HIVEP2: variants seen among roughly 807,000 people sequenced by gnomAD.
The protein encoded by HIVEP2 is transcription factor HIVEP2.
In HIVEP2, 14 loss-of-function variants were observed where a neutral mutation model predicts 180.7. The ratio of observed to expected loss-of-function variants is 0.08; its 90% CI spans 0.05 to 0.12. HIVEP2 has a LOEUF of 0.12. Ranked by LOEUF, HIVEP2 falls within the 10% of genes least tolerant of loss-of-function variation. HIVEP2 has a pLI of 1.00. For missense variants in HIVEP2, 2,579 were observed against 3,008.5 expected, an observed-to-expected ratio of 0.86 and a Z score of 3.34; for synonymous variants, 1,184 against 1,136.4, an observed-to-expected ratio of 1.04 and a Z score of -0.84.
chr6:142,848,941 G>A (rs1212473958), intron 1 of HIVEP2, among the ~76,000 whole-genome samples: 5 of 152,108 alleles, frequency 3.3e-5, no homozygotes, highest in Admixed American at 3.3e-4. Flanking sequence ...TAATCACTAA[G>A]CCTGATTGTT....
intron 2 of HIVEP2, among the ~76,000 whole-genome samples, chr6:142,830,885 A>G (rs896062364): frequency 1.3e-5 from 2 of 152,034 alleles, no homozygotes; most frequent in Non-Finnish European, 2.9e-5. Flanking sequence ...CCTAGACCCA[A>G]TCAGGCAGCC....
intron 1 of HIVEP2, among the ~76,000 whole-genome samples, chr6:142,844,617 A>G (rs1284306604): frequency 6.6e-6 from 1 of 152,192 alleles, no homozygotes. Context: ...TTAGTAAGGA[A>G]GTCAGAATTT....
chr6:142,851,089 C>A (rs187816635), intron 1 of HIVEP2, among the ~76,000 whole-genome samples: 230 of 152,210 alleles, frequency 1.5e-3, no homozygotes, highest in African/African-American at 5.4e-3. Context: ...ATAATAGAAG[C>A]ACTTTCATAT....
chr6:142,768,636 C>A (rs902360570), intron 5 of HIVEP2, 100 bp from the exon 6 acceptor site: 8 of 1,236,444 alleles, frequency 6.5e-6, no homozygotes, highest in Admixed American at 2.3e-5. Context: ...AGCCTAAATT[C>A]TGTACTAAAA....
At chr6:142,802,427 C>A (rs1355566913) in intron 2 of HIVEP2, among the ~76,000 whole-genome samples, 4 of 152,036 alleles carry the variant, frequency 2.6e-5, no homozygotes, top group South Asian at 2.1e-4. Flanking sequence ...AAACAGCCAG[C>A]CAGTCTCTGC....
chr6:142,848,056 C>T lies in HIVEP2; in HGVS notation c.-640-11009G>A, dbSNP rs528993631. On this transcript the variant is annotated intron_variant, in intron 1 of 9. Transcript: ENST00000367603. ...GACTTCTTATATTTAACATTAACAA[C>T]GGATTATCCCATGGTAACCAGATAC... Among the ~76,000 whole-genome samples the T allele has an allele frequency of 1.8e-3, 281 of 152,286 alleles. 1 individual carries two copies. Among genetic ancestry groups the T allele is most frequent in the Admixed American group, 1.8e-3 (28 of 15,294 alleles).
At chr6:142,837,806 T>G (rs765775758) in intron 1 of HIVEP2, among the ~76,000 whole-genome samples, 4 of 152,158 alleles carry the variant, frequency 2.6e-5, no homozygotes, top group Non-Finnish European at 5.9e-5. Context: ...AAATGAATGC[T>G]AGAGGGTTGA....
At chr6:142,831,717 G>A (rs62430702) in intron 2 of HIVEP2, among the ~76,000 whole-genome samples, 5,329 of 152,240 alleles carry the variant, frequency 0.035, 180 homozygotes, top group Non-Finnish European at 0.046. Context: ...GCTGTGTGGG[G>A]AAGGGGTTTG....
intron 1 of HIVEP2, among the ~76,000 whole-genome samples, chr6:142,862,995 T>A (rs1010132371): frequency 2.8e-5 from 4 of 141,692 alleles, no homozygotes; most frequent in Non-Finnish European, 4.5e-5. Context: ...ATATGATATA[T>A]AATTACATAT....
At position 142,801,048 on chromosome 6, in the gene HIVEP2, G is replaced by A. The variant is rs551051890; in HGVS notation, c.-527-17433C>T. Among the ~76,000 whole-genome samples the A allele has an allele frequency of 4.5e-4, 69 of 152,040 alleles. No homozygotes were observed. In the South Asian group the frequency reaches 0.014, roughly 31 times the overall value. ...TAGTGTGGGGAACATAATGGACTGA[G>A]CCTGCACAAGGAAAAGAGGCCAGGG... On this transcript the variant is annotated intron_variant, in intron 2 of 9. Coordinates refer to ENST00000367603, the MANE Select transcript of HIVEP2 (RefSeq NM_006734.4).
At chr6:142,835,273 A>T (rs914466248) in intron 2 of HIVEP2, among the ~76,000 whole-genome samples, 1 of 152,194 alleles carries the variant, frequency 6.6e-6, no homozygotes, top group Non-Finnish European at 1.5e-5. Context: ...AGGAGTCCAG[A>T]ACTCACAGTG....
intron 2 of HIVEP2, among the ~76,000 whole-genome samples, chr6:142,816,409 C>T (rs1776836322): frequency 6.6e-6 from 1 of 152,140 alleles, no homozygotes. Flanking sequence ...TTGTCTACTT[C>T]TCATGGTCAC....
intron 1 of HIVEP2, among the ~76,000 whole-genome samples, chr6:142,859,148 A>G (rs1214090296): frequency 1.3e-5 from 2 of 152,088 alleles, no homozygotes; most frequent in Non-Finnish European, 2.9e-5. Context: ...TTTTTAACCA[A>G]TACTATAACT....
chr6:142,757,476 T>C (rs1485498859), intron 9 of HIVEP2, among the ~76,000 whole-genome samples: 3 of 152,080 alleles, frequency 2.0e-5, no homozygotes, highest in Non-Finnish European at 2.9e-5. Flanking sequence ...CTGGCCAACA[T>C]GGTGAAACCA....
At chr6:142,906,487 G>A (rs1777267466) in intron 1 of HIVEP2, among the ~76,000 whole-genome samples, 1 of 151,644 alleles carries the variant, frequency 6.6e-6, no homozygotes. Context: ...TTATTAAAAT[G>A]CAAACCAAAA....
At chr6:142,789,434 A>G (rs908486635) in intron 2 of HIVEP2, among the ~76,000 whole-genome samples, 2 of 152,242 alleles carry the variant, frequency 1.3e-5, no homozygotes, top group African/African-American at 2.4e-5. Flanking sequence ...ATATCTGACT[A>G]ACTTGATTTT....
intron 2 of HIVEP2, among the ~76,000 whole-genome samples, chr6:142,824,923 C>A (rs1279183537): frequency 6.6e-6 from 1 of 152,192 alleles, no homozygotes; most frequent in Non-Finnish European, 1.5e-5. Flanking sequence ...CTACCCGACA[C>A]TAAAATTCAG....
intron 1 of HIVEP2, among the ~76,000 whole-genome samples, chr6:142,914,301 T>A (rs928021143): frequency 6.6e-6 from 1 of 152,192 alleles, no homozygotes; most frequent in African/African-American, 2.4e-5. Context: ...TCAAAAAAAA[T>A]TGGAATCTTT....
intron 1 of HIVEP2, among the ~76,000 whole-genome samples, chr6:142,853,499 T>G (rs11155265): frequency 0.18 from 26,942 of 152,230 alleles, 2,572 homozygotes; most frequent in South Asian, 0.22. Flanking sequence ...TCATAAATAC[T>G]GGTTGGCATG....
Sources: allele counts gnomAD v4.1 joint callset (sites outside exome capture counted in the v4.1 genomes callset), GRCh38; gene constraint gnomAD v4.1.1; transcripts MANE v1.5; gene names NCBI Gene and HGNC (gene_info 2026-07-23, HGNC 2026-07-21).